Variants in FYB1 observed in about 807,000 individuals in gnomAD.
The protein encoded by FYB1 is FYN binding protein 1.
A neutral mutation model predicts 94.1 loss-of-function variants in FYB1; 41 were observed. The ratio of observed to expected loss-of-function variants is 0.44; its 90% CI spans 0.34 to 0.57. The LOEUF (loss-of-function observed/expected upper bound fraction) is 0.57, where lower values mean the gene tolerates loss of function less well. Among genes scored for constraint, FYB1 ranks in the 20% least tolerant of loss-of-function variants. The pLI, the probability that FYB1 is intolerant of heterozygous loss-of-function variation, is 0.02. For synonymous variants in FYB1, 367 were observed against 353.2 expected, an observed-to-expected ratio of 1.04 and a Z score of -0.44; for missense variants, 1,050 against 976.8, an observed-to-expected ratio of 1.07 and a Z score of -1.00.
intron 1 of FYB1, among the ~76,000 whole-genome samples, chr5:39,273,444 G>A (rs1752718769): frequency 6.6e-6 from 1 of 152,174 alleles, no homozygotes; most frequent in African/African-American, 2.4e-5. Flanking sequence ...TCACATATGT[G>A]AGTATATCTC....
intron 1 of FYB1, chr5:39,211,034 T>C (rs879628905): frequency 2.6e-5 from 4 of 152,200 alleles, no homozygotes; most frequent in African/African-American, 4.8e-5. Flanking sequence ...TATTTTACAA[T>C]TTTTTATAGC....
upstream of FYB1, among the ~76,000 whole-genome samples, chr5:39,221,370 G>A (rs1750253069): frequency 6.6e-6 from 1 of 152,194 alleles, no homozygotes; most frequent in Non-Finnish European, 1.5e-5. Context: ...TTATAAAGAA[G>A]GGAACAGGAG....
At chr5:39,227,143 C>T (rs1158072935) in intron 1 of FYB1, among the ~76,000 whole-genome samples, 1 of 152,014 alleles carries the variant, frequency 6.6e-6, no homozygotes, top group East Asian at 1.9e-4. Flanking sequence ...TCATATAAAT[C>T]CATTAAAAGT....
chr5:39,256,238 C>T (rs1289012589), intron 1 of FYB1, among the ~76,000 whole-genome samples: 5 of 152,176 alleles, frequency 3.3e-5, no homozygotes, highest in African/African-American at 1.2e-4. Flanking sequence ...CTGCAATGAA[C>T]CCAAAGGAGA....
At chr5:39,219,606 T>C (rs978033413), upstream of FYB1, 2 of 985,242 alleles carry the variant, frequency 2.0e-6, no homozygotes, top group Non-Finnish European at 2.4e-6. Flanking sequence ...CGGTCAGTGG[T>C]TGAGTGAGCC....
intron 1 of FYB1, among the ~76,000 whole-genome samples, chr5:39,269,993 G>A (rs970596283): frequency 6.6e-6 from 1 of 152,002 alleles, no homozygotes; most frequent in Non-Finnish European, 1.5e-5. Context: ...AAGTAGTGCT[G>A]GGAACCCACT....
At chr5:39,141,783 A>AT in intron 3 of FYB1, among the ~76,000 whole-genome samples, 1 of 151,970 alleles carries the variant, frequency 6.6e-6, no homozygotes, top group East Asian at 1.9e-4. Context: ...GAGGTAGGAG[A>AT]ATTGCTTAAG....
chr5:39,194,532 A>G (rs753882427), intron 2 of FYB1, among the ~76,000 whole-genome samples: 4 of 152,048 alleles, frequency 2.6e-5, no homozygotes, highest in Non-Finnish European at 5.9e-5. Context: ...CAAAAAATAA[A>G]AAAGAAAGAC....
chr5:39,123,495 T>C (rs1740325489), intron 13 of FYB1, among the ~76,000 whole-genome samples: 1 of 152,142 alleles, frequency 6.6e-6, no homozygotes, highest in Non-Finnish European at 1.5e-5. Context: ...TTGAATACTT[T>C]AAAAATATTA....
intron 11 of FYB1, 70 bp from the exon 12 acceptor site, chr5:39,126,205 A>G: frequency 6.6e-7 from 1 of 1,508,576 alleles, no homozygotes; most frequent in South Asian, 1.2e-5. Context: ...GTGGACATTC[A>G]GATTCTTTAT....
chr5:39,108,463 T>C (rs1446802037), intron 17 of FYB1, among the ~76,000 whole-genome samples: 1 of 152,116 alleles, frequency 6.6e-6, no homozygotes, highest in African/African-American at 2.4e-5. Context: ...TGTTTCATTT[T>C]ACATACAGAA....
chr5:39,149,464 G>C (rs1277172595), intron 3 of FYB1, among the ~76,000 whole-genome samples: 13 of 152,070 alleles, frequency 8.5e-5, no homozygotes. Context: ...CTCTTGACTG[G>C]ATCTTTCCAT....
intron 2 of FYB1, among the ~76,000 whole-genome samples, chr5:39,201,280 G>A (rs1039675065): frequency 2.0e-5 from 3 of 152,116 alleles, no homozygotes; most frequent in South Asian, 2.1e-4. Context: ...ATTCTTTGTT[G>A]TGGGACTGTC....
chr5:39,217,936 C>T (rs1009193800), intron 1 of FYB1, among the ~76,000 whole-genome samples: 1 of 152,210 alleles, frequency 6.6e-6, no homozygotes, highest in African/African-American at 2.4e-5. Context: ...TTCAAAGCCA[C>T]CGCCTGCACT....
In FYB1 at chr5:39,119,633, G is replaced by C; in HGVS notation, c.2140C>G (p.Gln714Glu). The change falls in exon 15 of 19, where the codon CAA (glutamine) becomes GAA (glutamate). Residue 714 changes from glutamine (Q) to glutamate (E), a missense_variant and splice_region_variant. By Grantham distance (29) the Gln-to-Glu change is conservative. Coordinates refer to ENST00000512982, the MANE Select transcript of FYB1 (RefSeq NM_001465.6). ...DFPVSSAEMS[Q>E]GTNVGKAKTE... ...TTAGCTTTTCCAACATTAGTTCCTT[G>C]ACTAGAACGGCAGAACACACATAAA... 6.6e-7 allele frequency: 1 copy of C among 1,525,148 alleles called. No homozygotes were observed. Among genetic ancestry groups the C allele is most frequent in the Non-Finnish European group, 8.8e-7 (1 of 1,136,470 alleles). The allele number at this position is 1,525,148 out of a possible 1,614,324, so 94.5% of individuals were successfully genotyped here.
At chr5:39,210,138 G>A (rs189045634) in intron 1 of FYB1, among the ~76,000 whole-genome samples, 182 of 152,266 alleles carry the variant, frequency 1.2e-3, no homozygotes, top group African/African-American at 4.0e-3. Context: ...AGCCCTGATT[G>A]TGACAACCCC....
In FYB1 at chr5:39,122,321, A is replaced by C; in HGVS notation, c.2138+15T>G. 1 of 1,506,400 alleles carries C rather than the reference A, an allele frequency of 6.6e-7. No individual in the cohort carries two copies. Among genetic ancestry groups the C allele is most frequent in the African/African-American group, 1.4e-5 (1 of 72,708 alleles). The allele number at this position is 1,506,400 out of a possible 1,614,324, so 93.3% of individuals were successfully genotyped here. A position where few individuals can be genotyped will look rare whatever the true frequency, so the allele number is the denominator to read the frequency against. On this transcript the variant is annotated intron_variant, in intron 14 of 18. Transcript: ENST00000512982. ...CATTTTCATTACTTCATTGTAATGA[A>C]AGCATTTTAATTACCTCATCTCTGC...
chr5:39,266,198 G>A (rs914675732), intron 1 of FYB1, among the ~76,000 whole-genome samples: 6 of 152,090 alleles, frequency 3.9e-5, no homozygotes, highest in South Asian at 2.1e-4. Context: ...TTCCACAGGG[G>A]CAGATAAAGT....
intron 1 of FYB1, among the ~76,000 whole-genome samples, chr5:39,265,979 T>G (rs1752421711): frequency 2.0e-5 from 2 of 99,102 alleles, no homozygotes; most frequent in African/African-American, 8.4e-5. Context: ...ATTTTTACTG[T>G]TTTTTTTTTT....
Sources: gnomAD v4.1 joint callset for allele counts (sites outside exome capture counted in the v4.1 genomes callset) on GRCh38, gnomAD v4.1.1 for gene constraint, MANE v1.5 for transcripts, NCBI Gene and HGNC (gene_info 2026-07-23, HGNC 2026-07-21) for gene names.